PHTF1: variants seen among roughly 807,000 people sequenced by gnomAD.
The protein encoded by PHTF1 is putative homeodomain transcription factor 1.
In PHTF1, 88 loss-of-function variants were observed where a neutral mutation model predicts 102.4. The ratio of observed to expected loss-of-function variants is 0.86; its 90% CI spans 0.72 to 1.03. The LOEUF is 1.03. Among genes scored for constraint, PHTF1 ranks in the 50% least tolerant of loss-of-function variants. The probability of loss-of-function intolerance (pLI) is 0.00; values close to 1 mark genes in which losing one functional copy is unlikely to be tolerated. For missense variants in PHTF1, 814 were observed against 909.5 expected (o/e 0.89, Z 1.35); for synonymous variants, 289 against 305.2 (o/e 0.95, Z 0.55).
chr1:113,699,555 T>C lies in PHTF1; in HGVS notation c.2142+149A>G, dbSNP rs1649211201. On this transcript the variant is annotated intron_variant, in intron 17 of 18. Transcript: ENST00000369604. Reference sequence around the variant, plus strand: ...CCTCAGCTCTGGTCCTAACCACCACTGTGACCCCTACCCCTGATGCCACTG... The same window carrying C: ...CCTCAGCTCTGGTCCTAACCACCACCGTGACCCCTACCCCTGATGCCACTG... The C allele has an allele frequency of 6.0e-6, 4 of 668,944 alleles. No homozygotes were observed. The East Asian group carries it at 1.1e-4, about 18-fold the overall frequency. The allele number at this position is 668,944 out of a possible 1,614,324, so 41.4% of individuals were successfully genotyped here.
Position 113,757,731 on chromosome 1 carries a change from A to T in PHTF1, c.70T>A (p.Trp24Arg), listed in dbSNP as rs374838300. The T allele has an allele frequency of 6.2e-7, 1 of 1,608,022 alleles. No homozygotes were observed. The highest frequency in any genetic ancestry group is 1.1e-5 in the South Asian group (1 of 90,946). ...TGAGTCTGTTCGATTGACTTTTCCC[A>T]TATCTGCTGATCGTAGGCTCCAATC... ...KKIGAYDQQIWEKSIEQTQIK... is the reference protein window; with the variant it reads ...KKIGAYDQQIREKSIEQTQIK... The change falls in exon 3 of 19, where the codon TGG (tryptophan) becomes AGG (arginine). Residue 24 changes from tryptophan to arginine, a missense_variant. By Grantham distance (101) the Trp-to-Arg change is moderately radical. Coordinates refer to ENST00000369604, the MANE Select transcript of PHTF1 (RefSeq NM_001323043.2).
At chr1:113,720,731 C>T (rs996900533) in intron 7 of PHTF1, among the ~76,000 whole-genome samples, 1 of 152,198 alleles carries the variant, frequency 6.6e-6, no homozygotes, top group Admixed American at 6.5e-5. Flanking sequence ...CTTCTCACAG[C>T]TCCACTAGGA....
chr1:113,704,164 G>A lies in PHTF1; in HGVS notation c.1807C>T (p.Arg603Trp), dbSNP rs776165740. The change falls in exon 15 of 19, where the codon CGG becomes TGG. Residue 603 changes from arginine (R) to tryptophan (W), a missense_variant. Arg to Trp is a moderately radical substitution (Grantham distance 101). Transcript: ENST00000369604. The part of the protein sequence containing the change: ...WLSLRSYLKR[R>W]GPQRSVDVVV... ...ACATCAACTGAACGCTGTGGCCCCC[G>A]TCTCTGTGGAGTGAGACACATGTGT... The A allele has an allele frequency of 1.1e-5, 17 of 1,608,890 alleles. No homozygotes were observed. The highest frequency in any genetic ancestry group is 4.5e-5 in the East Asian group (2 of 44,866).
chr1:113,738,334 C>A, intron 4 of PHTF1, 66 bp from the exon 5 acceptor site: 1 of 1,227,400 alleles, frequency 8.1e-7, no homozygotes, highest in Non-Finnish European at 1.2e-6. Flanking sequence ...CCACCTGTAG[C>A]ACTACATTAA....
intron 16 of PHTF1, 117 bp from the exon 17 acceptor site, chr1:113,699,916 T>C (rs914268763): frequency 1.5e-6 from 1 of 682,250 alleles, no homozygotes; most frequent in Non-Finnish European, 2.4e-6. Context: ...GAAATTCCAA[T>C]AGCTATCGCT....
At chr1:113,723,002 T>A (rs1653227049) in intron 7 of PHTF1, among the ~76,000 whole-genome samples, 1 of 151,156 alleles carries the variant, frequency 6.6e-6, no homozygotes, top group Non-Finnish European at 1.5e-5. Flanking sequence ...AGACCCAAAA[T>A]AACCAAAGCT....
At chr1:113,718,313 G>A (rs555962306) in intron 7 of PHTF1, among the ~76,000 whole-genome samples, 1 of 152,332 alleles carries the variant, frequency 6.6e-6, no homozygotes, top group Non-Finnish European at 1.5e-5. Flanking sequence ...ATGGTCTTGG[G>A]CAGCTCTGTC....
chr1:113,755,720 C>A (rs1482258909), intron 3 of PHTF1, among the ~76,000 whole-genome samples: 1 of 152,038 alleles, frequency 6.6e-6, no homozygotes, highest in Non-Finnish European at 1.5e-5. Flanking sequence ...TGATATCATG[C>A]ACTAAAAGGA....
Position 113,757,186 on chromosome 1 carries a change from A to AC in PHTF1, c.102+512_102+513insG, listed in dbSNP as rs545609285. Among the ~76,000 whole-genome samples the AC allele has an allele frequency of 5.0e-3, 766 of 152,180 alleles. 4 individuals are homozygous for AC. The highest frequency in any genetic ancestry group is 0.018 in the African/African-American group (739 of 41,490). Reference sequence around the variant, plus strand: ...TGTCTCAAAAACAAAACAAAACAAAAAAACAAACAAAAACACATACTCTAA... The same window carrying AC: ...TGTCTCAAAAACAAAACAAAACAAAACAAACAAACAAAAACACATACTCTAA... On this transcript the variant is annotated intron_variant, in intron 3 of 18. Transcript: ENST00000369604.
At chr1:113,699,921 A>G in intron 16 of PHTF1, 122 bp from the exon 17 acceptor site, 1 of 682,320 alleles carries the variant, frequency 1.5e-6, no homozygotes. Flanking sequence ...TCCAATAGCT[A>G]TCGCTACAGA....
Position 113,726,459 on chromosome 1 carries a change from C to G in PHTF1, c.447G>C (p.Gln149His). ...GTVHCQIVST[Q>H]ITRPSGNNGN... ...CATTGTTTCCTGATGGTCTTGTTAT[C>G]TGAGTAGACACAATTTGACAGTGGA... Residue 149 changes from glutamine (Q) to histidine (H), a missense_variant, in exon 6 of 19, where the codon CAG becomes CAC. Coordinates refer to ENST00000369604, the MANE Select transcript of PHTF1 (RefSeq NM_001323043.2). 6.2e-7 allele frequency: 1 copy of G among 1,610,868 alleles called. No homozygotes were observed. Among genetic ancestry groups the G allele is most frequent in the Non-Finnish European group, 8.5e-7 (1 of 1,178,632 alleles).
At position 113,700,879 on chromosome 1, in the gene PHTF1, A is replaced by G. The variant is rs1649363682; in HGVS notation, c.1961T>C (p.Leu654Ser). 5.0e-6 allele frequency: 8 copies of G among 1,612,712 alleles called. No individual in the cohort carries two copies. Among genetic ancestry groups the G allele is most frequent in the Non-Finnish European group, 6.8e-6 (8 of 1,179,506 alleles). The change falls in exon 16 of 19, where the codon TTA becomes TCA. Residue 654 changes from leucine to serine, a missense_variant. By Grantham distance (145) the Leu-to-Ser change is moderately radical. Coordinates refer to ENST00000369604, the MANE Select transcript of PHTF1 (RefSeq NM_001323043.2). ...NWEFLIWETALLLFLLRLASL... is the reference protein window; with the variant it reads ...NWEFLIWETASLLFLLRLASL... ...GGCCAGACGCAATAAAAAAAGTAGTAAAGCTGTTTCCCAGATCAAAAACTC... is the reference window on the plus strand; with the variant it reads ...GGCCAGACGCAATAAAAAAAGTAGTGAAGCTGTTTCCCAGATCAAAAACTC...
intron 16 of PHTF1, chr1:113,700,277 A>G (rs1428126718): frequency 7.2e-6 from 4 of 555,838 alleles, no homozygotes; most frequent in Non-Finnish European, 9.2e-6. Context: ...CGAATGATAA[A>G]TGTTTTTATT....
Position 113,713,300 on chromosome 1 carries a change from T to C in PHTF1, c.762A>G (p.Ser254=), listed in dbSNP as rs113147837. Residue 254 remains serine, a synonymous_variant, in exon 8 of 19, where the codon TCA becomes TCG. Transcript: ENST00000369604. The part of the protein sequence containing the change: ...MWQTREKAKF[S]DGEKCRREAF... ...TTACCCTACGGCACTTTTCTCCATC[T>C]GAAAATTTTGCTTTCTCTCTTGTTT... The C allele has an allele frequency of 2.4e-4, 383 of 1,613,894 alleles. No homozygotes were observed. In the African/African-American group the frequency reaches 4.6e-3, roughly 19 times the overall value.
intron 16 of PHTF1, chr1:113,700,003 T>C: frequency 3.2e-6 from 3 of 939,234 alleles, no homozygotes; most frequent in Non-Finnish European, 4.2e-6. Context: ...TATTTAGTGA[T>C]GAAAAATTAA....
rs1316492303 is a variant in PHTF1, at chr1:113,726,489, TC to T, written c.416del (p.Gly139GlufsTer12). 1.9e-6 allele frequency: 3 copies of T among 1,610,700 alleles called. No individual in the cohort carries two copies. The African/African-American group carries it at 4.0e-5, about 22-fold the overall frequency. On this transcript the variant is annotated frameshift_variant, in exon 6 of 19. Transcript: ENST00000369604. LOFTEE classifies it high-confidence loss of function. Reference protein sequence around the residue: ...LGPLCLMLLMGTVHCQIVSTQ... With the variant: ...LGPLCLMLLMXTVHCQIVSTQ... ...TAGACACAATTTGACAGTGGACAGT[TC>T]CCATGAGTAGCATAAGGCACAAGGG...
At chr1:113,759,641 C>T (rs1659432016), upstream of PHTF1, among the ~76,000 whole-genome samples, 2 of 152,246 alleles carry the variant, frequency 1.3e-5, no homozygotes, top group Admixed American at 6.5e-5. Context: ...GGGAGTCGCG[C>T]GGCATATCGA....
At chr1:113,732,022 G>A (rs1257669879) in intron 5 of PHTF1, among the ~76,000 whole-genome samples, 1 of 151,494 alleles carries the variant, frequency 6.6e-6, no homozygotes, top group Non-Finnish European at 1.5e-5. Flanking sequence ...AAAAATATAT[G>A]TATACATCTA....
chr1:113,734,329 T>G (rs1203675910), intron 5 of PHTF1, among the ~76,000 whole-genome samples: 1 of 152,112 alleles, frequency 6.6e-6, no homozygotes, highest in Non-Finnish European at 1.5e-5. Flanking sequence ...AAAGCCTCAA[T>G]CTTCTTAAAG....
Sources: gnomAD v4.1 joint callset for allele counts (sites outside exome capture counted in the v4.1 genomes callset) on GRCh38, gnomAD v4.1.1 for gene constraint, MANE v1.5 for transcripts, NCBI Gene and HGNC (gene_info 2026-07-23, HGNC 2026-07-21) for gene names.